Variants in AGBL1 observed in about 807,000 individuals in gnomAD.
The protein encoded by AGBL1 is cytosolic carboxypeptidase 4.
AGBL1 carries 130 observed loss-of-function variants against 118.9 expected under a neutral mutation model. The observed-to-expected ratio is 1.09, with a 90% confidence interval of 0.95 to 1.26. The LOEUF is 1.26. Among genes scored for constraint, AGBL1 ranks in the 50% most tolerant of loss-of-function variants. The pLI, the probability that AGBL1 is intolerant of heterozygous loss-of-function variation, is 0.00. For missense variants in AGBL1, 1,584 were observed against 1,298.1 expected (o/e 1.22, Z -3.38); for synonymous variants, 555 against 478.9 (o/e 1.16, Z -2.08).
intron 22 of AGBL1, among the ~76,000 whole-genome samples, chr15:86,725,173 T>C (rs1226418270): frequency 6.6e-6 from 1 of 152,226 alleles, no homozygotes; most frequent in East Asian, 1.9e-4. Context: ...ACATTTCTTT[T>C]AAATTTCCAA....
chr15:86,252,146 G>T (rs2078827005), intron 7 of AGBL1, among the ~76,000 whole-genome samples: 1 of 152,302 alleles, frequency 6.6e-6, no homozygotes, highest in South Asian at 2.1e-4. Context: ...GATGCTACTG[G>T]TCTGGGTACT....
At chr15:86,308,984 G>C (rs1347218112) in intron 17 of AGBL1, among the ~76,000 whole-genome samples, 1 of 152,130 alleles carries the variant, frequency 6.6e-6, no homozygotes, top group Non-Finnish European at 1.5e-5. Flanking sequence ...TTTTGATAGA[G>C]ATTGAATTGG....
chr15:86,877,298 G>A (rs1418994889), intron 22 of AGBL1, among the ~76,000 whole-genome samples: 1 of 152,114 alleles, frequency 6.6e-6, no homozygotes, highest in Non-Finnish European at 1.5e-5. Flanking sequence ...GAGTATGACA[G>A]GTGCCCAGCC....
intron 18 of AGBL1, among the ~76,000 whole-genome samples, chr15:86,413,414 T>C (rs1172960862): frequency 1.3e-5 from 2 of 152,054 alleles, no homozygotes; most frequent in Non-Finnish European, 2.9e-5. Context: ...CAGGATTGAG[T>C]GGTAGTTCTA....
intron 1 of AGBL1, among the ~76,000 whole-genome samples, chr15:86,129,059 G>A (rs959423542): frequency 6.6e-6 from 1 of 152,162 alleles, no homozygotes; most frequent in Non-Finnish European, 1.5e-5. Context: ...CTGGAATGTG[G>A]TGGATGCTTT....
intron 23 of AGBL1, among the ~76,000 whole-genome samples, chr15:86,975,307 G>A (rs1032906465): frequency 1.1e-4 from 17 of 151,996 alleles, no homozygotes; most frequent in Non-Finnish European, 2.1e-4. Context: ...CACTTCTTAC[G>A]TGGTGGCAGG....
At chr15:86,784,955 G>A (rs554021300) in intron 22 of AGBL1, among the ~76,000 whole-genome samples, 14 of 152,088 alleles carry the variant, frequency 9.2e-5, no homozygotes, top group South Asian at 2.1e-4. Context: ...TCGTAAGTTC[G>A]TATTTTCTCA....
At chr15:86,544,963 C>T (rs1417918678) in intron 19 of AGBL1, among the ~76,000 whole-genome samples, 1 of 152,148 alleles carries the variant, frequency 6.6e-6, no homozygotes, top group Admixed American at 6.5e-5. Context: ...TGCATCACTG[C>T]CCTTGTCATA....
In AGBL1 at chr15:86,892,371, A is replaced by G. The variant is rs36077816; in HGVS notation, c.3159-14716A>G. ...AGCTCTAGATCATGTAACAGAGTTC[A>G]TGACTTCGATTGGGGCTGAATGAAT... is the stretch of plus-strand genomic sequence containing the variant. On this transcript the variant is annotated intron_variant, in intron 22 of 22. Transcript: ENST00000614907. Among the ~76,000 whole-genome samples the G allele has an allele frequency of 5.1e-3, 773 of 152,300 alleles. 5 individuals carry two copies. The highest frequency in any genetic ancestry group is 0.013 in the Admixed American group (202 of 15,284).
At chr15:86,565,734 G>T (rs1374667311) in intron 21 of AGBL1, among the ~76,000 whole-genome samples, 1 of 152,244 alleles carries the variant, frequency 6.6e-6, no homozygotes, top group East Asian at 1.9e-4. Flanking sequence ...CAGAGGTGGA[G>T]TCTACAGAGG....
chr15:86,683,742 C>T (rs893082533), intron 22 of AGBL1, among the ~76,000 whole-genome samples: 77 of 152,288 alleles, frequency 5.1e-4, no homozygotes, highest in African/African-American at 1.8e-3. Flanking sequence ...CAACTGCAGC[C>T]CTTCCCAGCC....
chr15:87,002,727 T>G (rs952137066), intron 24 of AGBL1, among the ~76,000 whole-genome samples: 11 of 152,200 alleles, frequency 7.2e-5, no homozygotes, highest in African/African-American at 2.2e-4. Flanking sequence ...GGTATTTTAT[T>G]CTCTTTGAAG....
intron 22 of AGBL1, among the ~76,000 whole-genome samples, chr15:86,687,256 A>C (rs756212325): frequency 6.6e-6 from 1 of 152,130 alleles, no homozygotes; most frequent in Non-Finnish European, 1.5e-5. Flanking sequence ...AACTTCTAAG[A>C]CACTCTTGTC....
intron 21 of AGBL1, among the ~76,000 whole-genome samples, chr15:86,597,506 G>T (rs1307778179): frequency 6.6e-6 from 1 of 152,092 alleles, no homozygotes; most frequent in Non-Finnish European, 1.5e-5. Flanking sequence ...CAGTTTACCA[G>T]TGTACCACTA....
At chr15:86,655,831 G>A (rs901242144) in intron 21 of AGBL1, among the ~76,000 whole-genome samples, 1 of 152,132 alleles carries the variant, frequency 6.6e-6, no homozygotes, top group Non-Finnish European at 1.5e-5. Flanking sequence ...AACATTATGA[G>A]GAAAGTCTAG....
At chr15:86,461,724 G>A (rs1052287482) in intron 18 of AGBL1, among the ~76,000 whole-genome samples, 1 of 152,090 alleles carries the variant, frequency 6.6e-6, no homozygotes, top group Admixed American at 6.6e-5. Flanking sequence ...CATCAAATGT[G>A]CTTGCATTGA....
At chr15:86,262,696 A>G in intron 9 of AGBL1, 82 bp from the exon 10 acceptor site, 2 of 931,944 alleles carry the variant, frequency 2.1e-6, no homozygotes, top group Non-Finnish European at 3.4e-6. Flanking sequence ...AAGATTCTGA[A>G]GAAGCACATA....
chr15:86,594,576 G>A (rs534571877), intron 21 of AGBL1, among the ~76,000 whole-genome samples: 18 of 152,136 alleles, frequency 1.2e-4, no homozygotes, highest in African/African-American at 4.1e-4. Context: ...AAGGCTATTG[G>A]TCACTCTTCA....
At chr15:86,517,859 G>C (rs1449212840) in intron 18 of AGBL1, among the ~76,000 whole-genome samples, 1 of 152,106 alleles carries the variant, frequency 6.6e-6, no homozygotes, top group Admixed American at 6.5e-5. Context: ...GCAGTGTCTG[G>C]CCGATAGTCC....
Sources: allele counts gnomAD v4.1 joint callset (sites outside exome capture counted in the v4.1 genomes callset), GRCh38; gene constraint gnomAD v4.1.1; transcripts MANE v1.5; gene names NCBI Gene and HGNC (gene_info 2026-07-23, HGNC 2026-07-21).